Variants in NICOL1 observed in about 807,000 individuals in gnomAD.
NICOL1 encodes the protein NELL2 interacting cell ontogeny regulator 1, also known as NELL2-interacting cell ontogeny regulator 1.
At chr4:2,036,868 C>T in the NICOL1 span, among the ~76,000 whole-genome samples, 5 of 152,056 alleles carry the variant, frequency 3.3e-5, no homozygotes, top group Admixed American at 2.0e-4. Flanking sequence ...AGTGGGAGGG[C>T]TGTCACATTG....
At chr4:2,042,182 A>C in the NICOL1 span, 3 of 895,912 alleles carry the variant, frequency 3.3e-6, no homozygotes, top group Non-Finnish European at 2.8e-6. Context: ...GGAGGTGGGG[A>C]GGGGGCTCCC....
chr4:2,043,475 C>T, the NICOL1 span, among the ~76,000 whole-genome samples: 1 of 152,212 alleles, frequency 6.6e-6, no homozygotes, highest in Non-Finnish European at 1.5e-5. Context: ...CTCCAGAGGG[C>T]TCCGACTAAG....
At chr4:2,038,237 GTATATATATATA>G in the NICOL1 span, among the ~76,000 whole-genome samples, 430 of 91,448 alleles carry the variant, frequency 4.7e-3, 5 homozygotes, top group South Asian at 0.016. Context: ...TGATCAGTGT[GTATATATATATA>G]TATATATATA....
the NICOL1 span, chr4:2,042,087 G>T: frequency 1.3e-6 from 2 of 1,483,458 alleles, no homozygotes; most frequent in East Asian, 5.7e-5. Flanking sequence ...GGTGGTGCGG[G>T]CGTCCGAATG....
the NICOL1 span, chr4:2,041,976 C>T: frequency 2.1e-6 from 3 of 1,453,406 alleles, no homozygotes; most frequent in African/African-American, 1.5e-5. Context: ...GGAACCCGGG[C>T]GGGGTCGGGT....
At chr4:2,036,579 A>T in the NICOL1 span, among the ~76,000 whole-genome samples, 1 of 152,148 alleles carries the variant, frequency 6.6e-6, no homozygotes, top group Non-Finnish European at 1.5e-5. Context: ...TTCAGTGTTG[A>T]CGGAAGCTGA....
At chr4:2,038,430 G>A in the NICOL1 span, among the ~76,000 whole-genome samples, 2 of 151,444 alleles carry the variant, frequency 1.3e-5, no homozygotes, top group African/African-American at 2.4e-5. Context: ...TGGGATTACA[G>A]GCATGCACCA....
At chr4:2,038,255 ATATATATATATATATATATATATATATAT>A in the NICOL1 span, among the ~76,000 whole-genome samples, 4 of 66,892 alleles carry the variant, frequency 6.0e-5, no homozygotes, top group Admixed American at 4.3e-4. Flanking sequence ...ATATATATAT[ATATATATATATATATATATATATATATAT>A]AAAATTAAAA....
chr4:2,039,704 G>A, the NICOL1 span, among the ~76,000 whole-genome samples: 1 of 152,012 alleles, frequency 6.6e-6, no homozygotes, highest in Admixed American at 6.5e-5. Flanking sequence ...GCCGGGTGTG[G>A]TGGCACGCAC....
chr4:2,037,588 C>T, the NICOL1 span, among the ~76,000 whole-genome samples: 2 of 152,010 alleles, frequency 1.3e-5, no homozygotes, highest in Non-Finnish European at 2.9e-5. Flanking sequence ...AATAGTTAAT[C>T]GGGAAATAAC....
the NICOL1 span, among the ~76,000 whole-genome samples, chr4:2,040,232 C>G: frequency 6.6e-6 from 1 of 152,156 alleles, no homozygotes; most frequent in Non-Finnish European, 1.5e-5. Flanking sequence ...TCAGCCTCCC[C>G]AGTAGCTGGG....
the NICOL1 span, among the ~76,000 whole-genome samples, chr4:2,037,118 C>T: frequency 6.6e-6 from 1 of 152,168 alleles, no homozygotes; most frequent in East Asian, 1.9e-4. Context: ...TCCCCCTTTG[C>T]TGTCTTCCTC....
At chr4:2,038,972 A>G in the NICOL1 span, among the ~76,000 whole-genome samples, 109 of 152,346 alleles carry the variant, frequency 7.2e-4, 1 homozygote, top group Middle Eastern at 3.4e-3. Flanking sequence ...ATCAACATAC[A>G]GTTTTGGTAT....
the NICOL1 span, chr4:2,042,273 CT>C: frequency 1.0e-6 from 1 of 976,780 alleles, no homozygotes; most frequent in Non-Finnish European, 1.4e-6. Flanking sequence ...GGGACGGGGG[CT>C]CACCGGCCCG....
the NICOL1 span, chr4:2,043,734 A>G: frequency 1.4e-5 from 10 of 697,102 alleles, no homozygotes; most frequent in African/African-American, 1.8e-4. Context: ...TGTGGGGGTT[A>G]GAGCCAGGGC....
At chr4:2,041,866 C>G in the NICOL1 span, 2 of 1,045,402 alleles carry the variant, frequency 1.9e-6, no homozygotes, top group Non-Finnish European at 2.6e-6. Flanking sequence ...GGGGCAGCCC[C>G]CGGCCAGGGC....
At chr4:2,038,543 C>T in the NICOL1 span, among the ~76,000 whole-genome samples, 4 of 151,842 alleles carry the variant, frequency 2.6e-5, no homozygotes, top group African/African-American at 7.3e-5. Flanking sequence ...GTGATCCTCC[C>T]GTCTCTTATA....
chr4:2,042,806 C>A, the NICOL1 span: 2 of 1,504,960 alleles, frequency 1.3e-6, no homozygotes, highest in Non-Finnish European at 1.8e-6. Context: ...GGAAGACAGC[C>A]TGCAGCCTGG....
At chr4:2,038,263 A>G in the NICOL1 span, among the ~76,000 whole-genome samples, 31 of 70,594 alleles carry the variant, frequency 4.4e-4, 2 homozygotes, top group African/African-American at 1.9e-3. Context: ...ATATATATAT[A>G]TATATATATA....
Sources: gnomAD v4.1 joint callset for allele counts (sites outside exome capture counted in the v4.1 genomes callset) on GRCh38, gnomAD v4.1.1 for gene constraint, MANE v1.5 for transcripts, NCBI Gene and HGNC (gene_info 2026-07-23, HGNC 2026-07-21) for gene names.